CDK12: variants seen among roughly 807,000 people sequenced by gnomAD.
CDK12 encodes the protein cyclin-dependent kinase 12.
CDK12 carries 17 observed loss-of-function variants against 133.8 expected under a neutral mutation model. That is an observed-to-expected ratio of 0.13 (90% CI 0.09 to 0.19). CDK12 has a LOEUF of 0.19. CDK12 is among the 10% of genes least tolerant of loss of function. The pLI is 1.00. For missense variants in CDK12, 1,508 were observed against 1,818.7 expected (o/e 0.83, Z 3.11); for synonymous variants, 694 against 683.6 (o/e 1.02, Z -0.24).
rs767512934 is a variant in CDK12 at position 39,462,555 on chromosome 17, G to A, written c.484G>A (p.Gly162Arg). ...KRSNEETDDY[G>R]KAQVAKSSSK... ...TTCGAATGAGGAGACTGATGACTAT[G>A]GGAAGGCGCAGGTAGCCAAAAGCAG... The change falls in exon 1 of 14, where the codon GGG (glycine) becomes AGG (arginine). Residue 162 changes from glycine (G) to arginine (R), a missense_variant. Gly to Arg is a moderately radical substitution (Grantham distance 125). Coordinates refer to ENST00000447079, the MANE Select transcript of CDK12 (RefSeq NM_016507.4). 6.2e-7 allele frequency: 1 copy of A among 1,614,158 alleles called. No individual in the cohort carries two copies. The highest frequency in any genetic ancestry group is 1.7e-5 in the Admixed American group (1 of 59,992).
At chr17:39,463,816 T>C (rs1033781412) in intron 1 of CDK12, among the ~76,000 whole-genome samples, 1 of 151,934 alleles carries the variant, frequency 6.6e-6, no homozygotes, top group African/African-American at 2.4e-5. Context: ...CACATAGTAA[T>C]AATGCCTTCT....
chr17:39,510,269 G>A (rs1302405609), intron 7 of CDK12, among the ~76,000 whole-genome samples: 2 of 151,632 alleles, frequency 1.3e-5, no homozygotes, highest in African/African-American at 2.4e-5. Context: ...ACAGGTGCCC[G>A]CCACTACGCC....
At position 39,476,711 on chromosome 17, in the gene CDK12, C is replaced by CTTTTTTTTTTTTTTTTTT. The variant is rs879840168; in HGVS notation, c.1931+4960_1931+4977dup. On this transcript the variant is annotated intron_variant, in intron 2 of 13. Coordinates refer to ENST00000447079, the MANE Select transcript of CDK12 (RefSeq NM_016507.4). The stretch of plus-strand genomic sequence containing the variant: ...TACAGGCATGAGCCACCATGCCTGC[C>CTTTTTTTTTTTTTTTTTT]TTTTTTTTTTTTTTTTTTTTTTTTT... Among the ~76,000 whole-genome samples the CTTTTTTTTTTTTTTTTTT allele has an allele frequency of 5.9e-4, 50 of 84,522 alleles. 7 individuals are homozygous for CTTTTTTTTTTTTTTTTTT. The highest frequency in any genetic ancestry group is 1.3e-3 in the Admixed American group (8 of 6,120). The allele number at this position is 84,522 out of a possible 152,430, so 55.4% of individuals were successfully genotyped here. A position where few individuals can be genotyped will look rare whatever the true frequency, so the allele number is the denominator to read the frequency against.
chr17:39,505,570 A>C (rs1309451478), intron 6 of CDK12, among the ~76,000 whole-genome samples: 2 of 151,396 alleles, frequency 1.3e-5, no homozygotes, highest in Non-Finnish European at 2.9e-5. Flanking sequence ...AAAATAATTT[A>C]AAGGAGCATA....
intron 5 of CDK12, among the ~76,000 whole-genome samples, chr17:39,499,685 T>C (rs1364625576): frequency 6.7e-6 from 1 of 149,036 alleles, no homozygotes; most frequent in Admixed American, 6.8e-5. Flanking sequence ...AATTTTTGTA[T>C]TTTTTTTTAG....
chr17:39,482,014 C>T (rs1370207283), intron 2 of CDK12, among the ~76,000 whole-genome samples: 2 of 39,096 alleles, frequency 5.1e-5, no homozygotes, highest in Non-Finnish European at 1.8e-4. Flanking sequence ...GCCTGGCTTG[C>T]CTTTTTTTTT....
chr17:39,478,052 C>T (rs1466276112), intron 2 of CDK12, among the ~76,000 whole-genome samples: 1 of 149,806 alleles, frequency 6.7e-6, no homozygotes, highest in African/African-American at 2.5e-5. Flanking sequence ...TAGCCATCTC[C>T]TCCTCCACCT....
At chr17:39,497,995 CT>C (rs1211560400) in intron 5 of CDK12, among the ~76,000 whole-genome samples, 6 of 126,874 alleles carry the variant, frequency 4.7e-5, no homozygotes, top group African/African-American at 1.6e-4. Flanking sequence ...TTCTCTCTCT[CT>C]TTCTCTCTTT....
chr17:39,480,254 T>C (rs2050536801), intron 2 of CDK12, among the ~76,000 whole-genome samples: 1 of 149,230 alleles, frequency 6.7e-6, no homozygotes, highest in South Asian at 2.1e-4. Context: ...GGGAAAAGAA[T>C]GAAACTTTAC....
chr17:39,564,753 C>T (rs763638373), intron 3 of CDK12: 1 of 152,220 alleles, frequency 6.6e-6, no homozygotes, highest in Non-Finnish European at 1.5e-5. Context: ...GTCTTGGGTT[C>T]CCTTAGCACC....
intron 2 of CDK12, 128 bp from the exon 3 acceptor site, chr17:39,490,429 G>A (rs2051496531): frequency 1.7e-6 from 1 of 594,952 alleles, no homozygotes; most frequent in South Asian, 2.6e-5. Flanking sequence ...TTATGTTATA[G>A]TACAGGTTTT....
intron 5 of CDK12, 69 bp from the exon 6 acceptor site, chr17:39,501,181 A>T: frequency 3.5e-6 from 4 of 1,138,520 alleles, no homozygotes; most frequent in Non-Finnish European, 4.9e-6. Flanking sequence ...TTATATTAGG[A>T]CTTGAGGCAT....
intron 6 of CDK12, among the ~76,000 whole-genome samples, chr17:39,503,338 C>G (rs541199074): frequency 3.9e-5 from 6 of 152,106 alleles, no homozygotes; most frequent in Non-Finnish European, 8.8e-5. Context: ...CTCCCAAAGT[C>G]CTGGTATTAC....
At chr17:39,527,387 A>T (rs1243462502) in intron 13 of CDK12, among the ~76,000 whole-genome samples, 1 of 152,176 alleles carries the variant, frequency 6.6e-6, no homozygotes, top group African/African-American at 2.4e-5. Context: ...TGCTATCTCT[A>T]TTTGGCCATT....
At chr17:39,524,107 G>A (rs952872845) in intron 11 of CDK12, among the ~76,000 whole-genome samples, 1 of 152,176 alleles carries the variant, frequency 6.6e-6, no homozygotes, top group African/African-American at 2.4e-5. Context: ...TAAGTTATAC[G>A]TAGTGCTGAA....
At chr17:39,528,845 G>A (rs151196553) in intron 13 of CDK12, among the ~76,000 whole-genome samples, 7 of 152,208 alleles carry the variant, frequency 4.6e-5, no homozygotes, top group South Asian at 2.1e-4. Context: ...AAAAATCCTC[G>A]TGTTCCATTT....
intron 13 of CDK12, among the ~76,000 whole-genome samples, chr17:39,527,968 T>C (rs956917355): frequency 5.9e-5 from 9 of 152,110 alleles, no homozygotes; most frequent in Admixed American, 5.2e-4. Flanking sequence ...CAGGCTGGAA[T>C]GCAATGGCGC....
intron 11 of CDK12, among the ~76,000 whole-genome samples, chr17:39,524,169 A>T (rs1320857594): frequency 1.3e-5 from 2 of 152,168 alleles, no homozygotes; most frequent in Non-Finnish European, 2.9e-5. Context: ...GTGGGCAGAA[A>T]GGGGAAAGAA....
At chr17:39,475,539 A>G (rs866735642) in intron 2 of CDK12, among the ~76,000 whole-genome samples, 6 of 151,690 alleles carry the variant, frequency 4.0e-5, no homozygotes, top group African/African-American at 1.5e-4. Flanking sequence ...AAGAGAAGAG[A>G]ACCTGAAATT....
Sources: allele counts gnomAD v4.1 joint callset (sites outside exome capture counted in the v4.1 genomes callset), GRCh38; gene constraint gnomAD v4.1.1; transcripts MANE v1.5; gene names NCBI Gene and HGNC (gene_info 2026-07-23, HGNC 2026-07-21).